PCDH12: variants seen among roughly 807,000 people sequenced by gnomAD.
PCDH12 encodes the protein protocadherin 12.
In PCDH12, 45 loss-of-function variants were observed where a neutral mutation model predicts 70.9. That is an observed-to-expected ratio of 0.63 (90% CI 0.50 to 0.81). The LOEUF is 0.81. Ranked by LOEUF, PCDH12 falls within the 40% of genes least tolerant of loss-of-function variation. The pLI is 0.00. For missense variants in PCDH12, 1,370 were observed against 1,491.7 expected (o/e 0.92, Z 1.34); for synonymous variants, 567 against 626.0 (o/e 0.91, Z 1.41).
rs1201165899 is a variant in PCDH12 at position 141,945,277 on chromosome 5, C to A, written c.*104G>T. The A allele has an allele frequency of 2.8e-6, 4 of 1,411,442 alleles. No homozygotes were observed. The highest frequency in any genetic ancestry group is 2.9e-6 in the Non-Finnish European group (3 of 1,045,652). 87.4% of individuals were successfully genotyped at this position (1,411,442 alleles called of 1,614,324 possible). A position where few individuals can be genotyped will look rare whatever the true frequency, so the allele number is the denominator to read the frequency against. On this transcript the variant is annotated 3_prime_UTR_variant, in exon 4 of 4. Transcript: ENST00000231484. ...GGGTAGCATCAGTCACCCTAAAGTT[C>A]TCAGGCCGCCGCTAGCTAGTGAGTT...
chr5:141,951,726 G>A (rs1753086897), intron 1 of PCDH12, 136 bp from the exon 2 acceptor site: 3 of 694,868 alleles, frequency 4.3e-6, no homozygotes, highest in East Asian at 5.4e-5. Context: ...GATCAGATGG[G>A]GGATGGTGCC....
chr5:141,945,773 G>T lies in PCDH12; in HGVS notation c.3163C>A (p.Pro1055Thr). The T allele has an allele frequency of 6.2e-7, 1 of 1,613,580 alleles. No homozygotes were observed. The highest frequency in any genetic ancestry group is 8.5e-7 in the Non-Finnish European group (1 of 1,179,956). Reference protein sequence around the residue: ...LALDRLSAPDPAWMARLSLPL... With the variant: ...LALDRLSAPDTAWMARLSLPL... ...AAAGAGAGTCTCGCCATCCAGGCCG[G>T]GTCAGGGGCGCTCAGCCGGTCCAGG... The change falls in exon 4 of 4, where the codon CCG (proline) becomes ACG (threonine). Residue 1055 changes from proline (P) to threonine (T), a missense_variant. Transcript: ENST00000231484.
At chr5:141,954,316 G>A (rs1478427622) in intron 1 of PCDH12, among the ~76,000 whole-genome samples, 1 of 152,220 alleles carries the variant, frequency 6.6e-6, no homozygotes, top group Non-Finnish European at 1.5e-5. Context: ...GTGCAATGAT[G>A]CCTATGCTGG....
Position 141,945,815 on chromosome 5 carries a change from A to G in PCDH12, c.3131-10T>C. On this transcript the variant is annotated splice_polypyrimidine_tract_variant and intron_variant, in intron 3 of 3. Transcript: ENST00000231484. ...CGGTCCAGGGCCAGACCTGTGGGGG[A>G]AGGAGGGGACACAGTGAGGGCCAGG... is the stretch of plus-strand genomic sequence containing the variant. 1.2e-6 allele frequency: 2 copies of G among 1,606,874 alleles called. No individual in the cohort carries two copies. Among genetic ancestry groups the G allele is most frequent in the South Asian group, 1.1e-5 (1 of 90,054 alleles).
In PCDH12 at chr5:141,957,244, T is replaced by C. The variant is rs1420130591; in HGVS notation, c.608A>G (p.Asp203Gly). The part of the protein sequence containing the change: ...HAELIVVKEL[D>G]REIHSFFDLV... ...ATCAAAAAATGAATGGATTTCCCTGTCCAGCTCCTTCACCACTATGAGTTC... is the reference window on the plus strand; with the variant it reads ...ATCAAAAAATGAATGGATTTCCCTGCCCAGCTCCTTCACCACTATGAGTTC... The change falls in exon 1 of 4, where the codon GAC becomes GGC. Residue 203 changes from aspartate (D) to glycine (G), a missense_variant. By Grantham distance (94) the Asp-to-Gly change is moderately conservative. Coordinates refer to ENST00000231484, the MANE Select transcript of PCDH12 (RefSeq NM_016580.4). The surrounding 1 kb of genome is among the most constrained non-coding windows in gnomAD (Gnocchi z 4.3). 7 of 1,614,188 alleles carry C rather than the reference T, an allele frequency of 4.3e-6. No individual in the cohort carries two copies. Among genetic ancestry groups the C allele is most frequent in the Non-Finnish European group, 5.9e-6 (7 of 1,180,026 alleles).
Position 141,955,917 on chromosome 5 carries a change from G to T in PCDH12, c.1935C>A (p.His645Gln), listed in dbSNP as rs1362621171. 3.1e-6 allele frequency: 5 copies of T among 1,614,094 alleles called. No homozygotes were observed. Among genetic ancestry groups the T allele is most frequent in the Non-Finnish European group, 4.2e-6 (5 of 1,180,058 alleles). Residue 645 changes from histidine (H) to glutamine (Q), a missense_variant, in exon 1 of 4, where the codon CAC becomes CAA. Physicochemically the swap from His to Gln is conservative, Grantham distance 24 (BLOSUM62 0). Transcript: ENST00000231484. The surrounding 1 kb of genome is among the most constrained non-coding windows in gnomAD (Gnocchi z 5.5). ...CCGTATGAGGGTTGAGGATGAAGAG[G>T]TGGGCTTCATTTCCACTGCGGATGC... ...LYSIRSGNEA[H>Q]LFILNPHTGQ... is the part of the protein sequence containing the mutation.
Position 141,957,374 on chromosome 5 carries a change from G to C in PCDH12, c.478C>G (p.Leu160Val), listed in dbSNP as rs1753202782. The change falls in exon 1 of 4, where the codon CTT becomes GTT. Residue 160 changes from leucine (L) to valine (V), a missense_variant. Coordinates refer to ENST00000231484, the MANE Select transcript of PCDH12 (RefSeq NM_016580.4). This position sits in a 1 kb window ranked among gnomAD's most constrained non-coding sequence, Gnocchi z 4.3. ...GTGTTAGGGCCTGTGTCTGGGTCAA[G>C]AGCTCTGTCCAGGGGGATCCGGGTT... The part of the protein sequence containing the change: ...LRTRIPLDRA[L>V]DPDTGPNTLH... 6.2e-7 allele frequency: 1 copy of C among 1,613,902 alleles called. No individual in the cohort carries two copies. The highest frequency in any genetic ancestry group is 8.5e-7 in the Non-Finnish European group (1 of 1,179,888).
chr5:141,954,889 A>G lies in PCDH12; in HGVS notation c.2880+83T>C. 2.0e-6 allele frequency: 3 copies of G among 1,493,382 alleles called. No homozygotes were observed. The South Asian group carries it at 4.0e-5, about 20-fold the overall frequency. 92.5% of individuals were successfully genotyped at this position (1,493,382 alleles called of 1,614,324 possible). A position where few individuals can be genotyped will look rare whatever the true frequency, so the allele number is the denominator to read the frequency against. ...GTGAGCCTAAGGAAGAAACATGAGG[A>G]CTGTGCAGGTTATGGGGGTGTCTGA... is the stretch of plus-strand genomic sequence containing the variant. On this transcript the variant is annotated intron_variant, in intron 1 of 3. Coordinates refer to ENST00000231484, the MANE Select transcript of PCDH12 (RefSeq NM_016580.4).
rs758205450 is a variant in PCDH12, at chr5:141,955,311, G to A, written c.2541C>T (p.Asn847=). ...TCTGCCTGGGATGGTTGAAAAGGAGGTTGACCGTGTCTTGCAGCACCTCTC... is the reference window on the plus strand; with the variant it reads ...TCTGCCTGGGATGGTTGAAAAGGAGATTGACCGTGTCTTGCAGCACCTCTC... The part of the protein sequence containing the change: ...ESREVLQDTV[N]LLFNHPRQRN... Residue 847 remains asparagine, a synonymous_variant, in exon 1 of 4, where the codon AAC becomes AAT. Transcript: ENST00000231484. This position sits in a 1 kb window ranked among gnomAD's most constrained non-coding sequence, Gnocchi z 5.5. The A allele has an allele frequency of 6.2e-7, 1 of 1,614,212 alleles. No homozygotes were observed. Among genetic ancestry groups the A allele is most frequent in the Admixed American group, 1.7e-5 (1 of 60,032 alleles).
Position 141,951,610 on chromosome 5 carries a change from T to A in PCDH12, c.2881-20A>T. The A allele has an allele frequency of 6.4e-7, 1 of 1,571,308 alleles. No individual in the cohort carries two copies. The highest frequency in any genetic ancestry group is 1.7e-4 in the Middle Eastern group (1 of 6,000). ...GATTTGCTACAAGACAGGAAAAATC[T>A]GTTGACTCCACACAATTCCGACTCA... On this transcript the variant is annotated intron_variant, in intron 1 of 3. Coordinates refer to ENST00000231484, the MANE Select transcript of PCDH12 (RefSeq NM_016580.4).
rs1242966740 is a variant in PCDH12, at chr5:141,957,082, G to A, written c.770C>T (p.Ala257Val). 1 of 1,614,164 alleles carries A rather than the reference G, an allele frequency of 6.2e-7. No homozygotes were observed. Among genetic ancestry groups the A allele is most frequent in the East Asian group, 2.2e-5 (1 of 44,876 alleles). The change falls in exon 1 of 4, where the codon GCT becomes GTT. Residue 257 changes from alanine (A) to valine (V), a missense_variant. Ala to Val is a moderately conservative substitution (Grantham distance 64, BLOSUM62 0). Transcript: ENST00000231484. This position sits in a 1 kb window ranked among gnomAD's most constrained non-coding sequence, Gnocchi z 4.3. ...TTTTATGAGAAGCGTACCAGGTGCA[G>A]CATCTTCTTGGATTTCCAGTGCCAG... The part of the protein sequence containing the change: ...SSLALEIQED[A>V]APGTLLIKLT...
Position 141,945,081 on chromosome 5 carries a change from G to T in PCDH12, c.*300C>A. On this transcript the variant is annotated 3_prime_UTR_variant, in exon 4 of 4. Coordinates refer to ENST00000231484, the MANE Select transcript of PCDH12 (RefSeq NM_016580.4). ...CACCCTTTCCTGCCTGTGATACTCC[G>T]TGGCATCTGTTCTGCCAGAGGACTG... The T allele has an allele frequency of 5.3e-6, 2 of 379,594 alleles. No homozygotes were observed. Among genetic ancestry groups the T allele is most frequent in the South Asian group, 9.4e-5 (2 of 21,330 alleles). The allele number at this position is 379,594 out of a possible 1,614,324, so 23.5% of individuals were successfully genotyped here. A position where few individuals can be genotyped will look rare whatever the true frequency, so the allele number is the denominator to read the frequency against.
Position 141,945,401 on chromosome 5 carries a change from T to TGCTGCTGCTGCTGCTGCTGCTGCTGCC in PCDH12, c.3534_3535insGGCAGCAGCAGCAGCAGCAGCAGCAGC (p.Ser1178_Ser1179insGlySerSerSerSerSerSerSerSer). The TGCTGCTGCTGCTGCTGCTGCTGCTGCC allele has an allele frequency of 1.2e-6, 2 of 1,612,462 alleles. No individual in the cohort carries two copies. Among genetic ancestry groups the TGCTGCTGCTGCTGCTGCTGCTGCTGCC allele is most frequent in the Non-Finnish European group, 1.7e-6 (2 of 1,179,256 alleles). ...TATGTTCACAGGCACCTGCTGCTGC[T>TGCTGCTGCTGCTGCTGCTGCTGCTGCC]GCTGCTGCCTCTGCTCTTGCCCTCA... On this transcript the variant is annotated inframe_insertion, in exon 4 of 4. Transcript: ENST00000231484.
chr5:141,952,180 T>C (rs2126923137), intron 1 of PCDH12, among the ~76,000 whole-genome samples: 1 of 152,190 alleles, frequency 6.6e-6, no homozygotes, highest in South Asian at 2.1e-4. Flanking sequence ...TCTGTCAGGA[T>C]GTGAAGGTTG....
At chr5:141,952,178 G>T (rs1753097322) in intron 1 of PCDH12, among the ~76,000 whole-genome samples, 1 of 152,182 alleles carries the variant, frequency 6.6e-6, no homozygotes, top group Non-Finnish European at 1.5e-5. Flanking sequence ...CATCTGTCAG[G>T]ATGTGAAGGT....
At position 141,955,337 on chromosome 5, in the gene PCDH12, G is replaced by T. The variant is rs375346212; in HGVS notation, c.2515C>A (p.Arg839=). 6.2e-7 allele frequency: 1 copy of T among 1,614,164 alleles called. No individual in the cohort carries two copies. Among genetic ancestry groups the T allele is most frequent in the African/African-American group, 1.3e-5 (1 of 75,060 alleles). Residue 839 remains arginine (R), a synonymous_variant, in exon 1 of 4, where the codon CGA becomes AGA. Transcript: ENST00000231484. The surrounding 1 kb of genome is among the most constrained non-coding windows in gnomAD (Gnocchi z 5.5). ...TTGACCGTGTCTTGCAGCACCTCTC[G>T]GCTCTCCGCCGGTGCTCCCTGGTTG... ...QGNQGAPAES[R]EVLQDTVNLL...
At position 141,955,760 on chromosome 5, in the gene PCDH12, T is replaced by C. The variant is rs1342754909; in HGVS notation, c.2092A>G (p.Ser698Gly). Reference sequence around the variant, plus strand: ...GCTGAGTCCCTCAGGTGGTCCACACTGGTGACAAACATGACCCTCAACAGG... The same window carrying C: ...GCTGAGTCCCTCAGGTGGTCCACACCGGTGACAAACATGACCCTCAACAGG... ...RALLRVMFVT[S>G]VDHLRDSARK... is the part of the protein sequence containing the mutation. Residue 698 changes from serine to glycine, a missense_variant, in exon 1 of 4, where the codon AGT (serine) becomes GGT (glycine). Ser to Gly is a moderately conservative substitution (Grantham distance 56). Coordinates refer to ENST00000231484, the MANE Select transcript of PCDH12 (RefSeq NM_016580.4). This position sits in a 1 kb window ranked among gnomAD's most constrained non-coding sequence, Gnocchi z 5.5. 2 of 1,613,932 alleles carry C rather than the reference T, an allele frequency of 1.2e-6. No individual in the cohort carries two copies. The highest frequency in any genetic ancestry group is 2.2e-5 in the South Asian group (2 of 91,046).
Position 141,955,132 on chromosome 5 carries a change from G to A in PCDH12, c.2720C>T (p.Ser907Phe), listed in dbSNP as rs376177062. ...ATGTCGCTGCCGTCTCAGGGTTGCA[G>A]AGGAGGCTGGTGGCCTCTGTGGGGC... ...EEAPQRPPASSATLRRQRHLN... is the reference protein window; with the variant it reads ...EEAPQRPPASFATLRRQRHLN... Residue 907 changes from serine to phenylalanine, a missense_variant, in exon 1 of 4, where the codon TCT becomes TTT. By Grantham distance (155) the Ser-to-Phe change is radical. Transcript: ENST00000231484. This position sits in a 1 kb window ranked among gnomAD's most constrained non-coding sequence, Gnocchi z 5.5. 1.9e-6 allele frequency: 3 copies of A among 1,614,138 alleles called. No homozygotes were observed. The highest frequency in any genetic ancestry group is 2.7e-5 in the African/African-American group (2 of 74,948).
intron 1 of PCDH12, among the ~76,000 whole-genome samples, chr5:141,954,433 A>C (rs750854596): frequency 6.6e-6 from 1 of 152,228 alleles, no homozygotes; most frequent in Non-Finnish European, 1.5e-5. Context: ...TACTGACTAC[A>C]TGTCAGATGG....
Sources: allele counts gnomAD v4.1 joint callset (sites outside exome capture counted in the v4.1 genomes callset), GRCh38; gene constraint gnomAD v4.1.1; non-coding constraint Gnocchi (gnomAD v3.1); transcripts MANE v1.5; gene names NCBI Gene and HGNC (gene_info 2026-07-23, HGNC 2026-07-21).